ACTR3B: variants seen among roughly 807,000 people sequenced by gnomAD.
The protein encoded by ACTR3B is actin-related protein 3B.
In ACTR3B, 8 loss-of-function variants were observed where a neutral mutation model predicts 59.0. The observed-to-expected ratio is 0.14, with a 90% CI of 0.08 to 0.24. The LOEUF (loss-of-function observed/expected upper bound fraction) is 0.24, where lower values mean the gene tolerates loss of function less well. Ranked by LOEUF, ACTR3B falls within the 10% of genes least tolerant of loss-of-function variation. The probability of loss-of-function intolerance (pLI) is 1.00; values close to 1 mark genes in which losing one functional copy is unlikely to be tolerated. For synonymous variants in ACTR3B, 148 were observed against 197.9 expected, an observed-to-expected ratio of 0.75 and a Z score of 2.12; for missense variants, 245 against 552.3, an observed-to-expected ratio of 0.44 and a Z score of 5.58.
chr7:152,778,209 T>G (rs185860835), intron 1 of ACTR3B, among the ~76,000 whole-genome samples: 57 of 151,174 alleles, frequency 3.8e-4, no homozygotes, highest in African/African-American at 1.4e-3. Context: ...GTTTTTTACT[T>G]TCCTGGATTG....
At chr7:152,775,579 G>A (rs1421860294) in intron 1 of ACTR3B, among the ~76,000 whole-genome samples, 1 of 152,012 alleles carries the variant, frequency 6.6e-6, no homozygotes, top group Non-Finnish European at 1.5e-5. Flanking sequence ...GACCAACATG[G>A]AGAAACCCTG....
chr7:152,760,140 A>G (rs2098084652), intron 1 of ACTR3B, among the ~76,000 whole-genome samples: 3 of 152,098 alleles, frequency 2.0e-5, no homozygotes, highest in Admixed American at 6.5e-5. Flanking sequence ...ACAAGAGGAA[A>G]AGCACGGAGG....
In ACTR3B at chr7:152,853,571, C is replaced by G. The variant is rs148614374; in HGVS notation, c.1155C>G (p.Ala385=). The change falls in exon 11 of 12, where the codon GCC becomes GCG. Residue 385 remains alanine, a synonymous_variant. Coordinates refer to ENST00000256001, the MANE Select transcript of ACTR3B (RefSeq NM_020445.6). ...YAVWFGGSML[A]STPEFFQVCH... Reference sequence around the variant, plus strand: ...TGTGGTTCGGAGGCTCCATGCTGGCCTCGACTGTAAGTCCCTCTCTCGAGG... The same window carrying G: ...TGTGGTTCGGAGGCTCCATGCTGGCGTCGACTGTAAGTCCCTCTCTCGAGG... 4.0e-5 allele frequency: 64 copies of G among 1,613,502 alleles called. No homozygotes were observed. In the African/African-American group the frequency reaches 6.4e-4, roughly 16 times the overall value.
At position 152,794,962 on chromosome 7, in the gene ACTR3B, T is replaced by G. The variant is rs937918000; in HGVS notation, c.101-5569T>G. 2.6e-5 allele frequency among the ~76,000 whole-genome samples: 4 copies of G among 152,132 alleles called. No individual in the cohort carries two copies. In the East Asian group the frequency reaches 7.7e-4, roughly 29 times the overall value. ...GGTGGGGAAAGTGATTTCTGCCCTG[T>G]GTCTTTTTCTTTTCACCTTTTTATC... On this transcript the variant is annotated intron_variant, in intron 2 of 11. Coordinates refer to ENST00000256001, the MANE Select transcript of ACTR3B (RefSeq NM_020445.6).
intron 1 of ACTR3B, among the ~76,000 whole-genome samples, chr7:152,773,887 T>C (rs1429788732): frequency 2.6e-5 from 4 of 152,076 alleles, no homozygotes; most frequent in Non-Finnish European, 5.9e-5. Flanking sequence ...GGCCTGAGTA[T>C]TTTGGGCTGT....
chr7:152,768,323 G>A lies in ACTR3B; in HGVS notation c.44+8397G>A, dbSNP rs2098115896. 2.6e-5 allele frequency among the ~76,000 whole-genome samples: 4 copies of A among 152,214 alleles called. No individual in the cohort carries two copies. In the South Asian group the frequency reaches 8.3e-4, roughly 32 times the overall value. ...ACTGCTTTTTTATTGACACAGTGCA[G>A]AGGCCATTACCTCCAAAGCAATGTT... On this transcript the variant is annotated intron_variant, in intron 1 of 11. Coordinates refer to ENST00000256001, the MANE Select transcript of ACTR3B (RefSeq NM_020445.6).
At chr7:152,826,598 T>C (rs1796593777) in intron 9 of ACTR3B, among the ~76,000 whole-genome samples, 1 of 152,182 alleles carries the variant, frequency 6.6e-6, no homozygotes, top group African/African-American at 2.4e-5. Flanking sequence ...CCCACTTCAA[T>C]CCCACCTGAC....
At chr7:152,821,990 G>A (rs1396629446) in intron 7 of ACTR3B, among the ~76,000 whole-genome samples, 3 of 152,222 alleles carry the variant, frequency 2.0e-5, no homozygotes, top group Admixed American at 6.5e-5. Context: ...TTCCTAGCAA[G>A]CATTTGAGTT....
chr7:152,766,096 G>A (rs1011415578), intron 1 of ACTR3B, among the ~76,000 whole-genome samples: 6 of 152,018 alleles, frequency 3.9e-5, no homozygotes, highest in African/African-American at 9.7e-5. Context: ...CAGGGGTTCC[G>A]CAGACCACTC....
At chr7:152,847,266 C>T (rs1590460241) in intron 9 of ACTR3B, among the ~76,000 whole-genome samples, 2 of 152,332 alleles carry the variant, frequency 1.3e-5, no homozygotes, top group African/African-American at 4.8e-5. Flanking sequence ...GCAGGGCTCA[C>T]CGTGATGTTT....
intron 2 of ACTR3B, among the ~76,000 whole-genome samples, chr7:152,789,938 T>A (rs903204128): frequency 6.6e-6 from 1 of 152,114 alleles, no homozygotes; most frequent in Admixed American, 6.5e-5. Flanking sequence ...GTATTGACAT[T>A]TAGTCAAAGC....
rs191025944 is a variant in ACTR3B, at chr7:152,787,383, A to G, written c.100+4141A>G. Among the ~76,000 whole-genome samples, 737 of 152,256 alleles carry G rather than the reference A, an allele frequency of 4.8e-3. 4 individuals are homozygous for G. The highest frequency in any genetic ancestry group is 6.2e-3 in the Non-Finnish European group (425 of 68,018). ...TAGAGGTTAAATATGAATTTTTCGC[A>G]GATACTTTTTTATTCTATGACATTT... On this transcript the variant is annotated intron_variant, in intron 2 of 11. Coordinates refer to ENST00000256001, the MANE Select transcript of ACTR3B (RefSeq NM_020445.6).
intron 1 of ACTR3B, among the ~76,000 whole-genome samples, chr7:152,764,737 G>T (rs2098102729): frequency 6.6e-6 from 1 of 151,986 alleles, no homozygotes; most frequent in African/African-American, 2.4e-5. Flanking sequence ...TGGGATTTCT[G>T]GGTCAAAGGG....
chr7:152,807,239 A>G (rs538265781), intron 4 of ACTR3B, among the ~76,000 whole-genome samples: 19 of 152,352 alleles, frequency 1.2e-4, no homozygotes, highest in African/African-American at 4.6e-4. Flanking sequence ...GAAGATATCT[A>G]TGGGACTTTT....
Position 152,853,554 on chromosome 7 carries a change from G to A in ACTR3B, c.1138G>A (p.Gly380Arg). ...HHMQRYAVWF[G>R]GSMLASTPEF... ...CATGCAGCGCTACGCCGTGTGGTTC[G>A]GAGGCTCCATGCTGGCCTCGACTGT... is the stretch of plus-strand genomic sequence containing the variant. The change falls in exon 11 of 12, where the codon GGA becomes AGA. Residue 380 changes from glycine to arginine, a missense_variant. Gly to Arg is a moderately radical substitution (Grantham distance 125). This residue lies in a region of ACTR3B where 153 missense variants were observed against 266.2 expected (regional missense o/e 0.57). Transcript: ENST00000256001. The A allele has an allele frequency of 1.9e-6, 3 of 1,613,814 alleles. No individual in the cohort carries two copies. Among genetic ancestry groups the A allele is most frequent in the Non-Finnish European group, 2.5e-6 (3 of 1,179,912 alleles).
Position 152,823,402 on chromosome 7 carries a change from C to G in ACTR3B, c.745C>G (p.Pro249Ala). Residue 249 changes from proline to alanine, a missense_variant, in exon 8 of 12, where the codon CCC becomes GCC. Pro to Ala is a conservative substitution (Grantham distance 27, BLOSUM62 -1). This residue lies in a region of ACTR3B where 153 missense variants were observed against 266.2 expected (regional missense o/e 0.57). Coordinates refer to ENST00000256001, the MANE Select transcript of ACTR3B (RefSeq NM_020445.6). ...VKEFAKYDVDPRKWIKQYTGI... is the reference protein window; with the variant it reads ...VKEFAKYDVDARKWIKQYTGI... ...GGAATTTGCCAAGTATGATGTGGAT[C>G]CCCGGAAGTGGATCAAACAGTACAC... 5.6e-6 allele frequency: 9 copies of G among 1,614,214 alleles called. No individual in the cohort carries two copies. In the South Asian group the frequency reaches 9.9e-5, roughly 18 times the overall value.
chr7:152,807,880 T>G (rs1251218033), intron 4 of ACTR3B, among the ~76,000 whole-genome samples: 2 of 152,170 alleles, frequency 1.3e-5, no homozygotes, highest in African/African-American at 2.4e-5. Context: ...TTTTTTATTC[T>G]AAAATACACA....
intron 1 of ACTR3B, among the ~76,000 whole-genome samples, chr7:152,781,372 T>C (rs1590229740): frequency 1.3e-5 from 2 of 152,066 alleles, no homozygotes; most frequent in Admixed American, 6.5e-5. Context: ...GGTTTGACAA[T>C]GATTACCTTT....
chr7:152,815,970 A>G (rs1018728666), intron 5 of ACTR3B, among the ~76,000 whole-genome samples: 2 of 151,324 alleles, frequency 1.3e-5, no homozygotes, highest in African/African-American at 2.4e-5. Context: ...TTTTTGAGAC[A>G]AGGTCTCACT....
Sources: allele counts gnomAD v4.1 joint callset (sites outside exome capture counted in the v4.1 genomes callset), GRCh38; gene constraint gnomAD v4.1.1; regional missense constraint gnomAD v4.1.1; transcripts MANE v1.5; gene names NCBI Gene and HGNC (gene_info 2026-07-23, HGNC 2026-07-21).